The following HLCS variants were observed in gnomAD, a reference collection of about 807,000 sequenced individuals.
HLCS encodes holocarboxylase synthetase.
HLCS carries 53 observed loss-of-function variants against 75.0 expected under a neutral mutation model. That is an observed-to-expected ratio of 0.71 (90% confidence interval 0.57 to 0.89). The LOEUF is 0.89. Ranked by LOEUF, HLCS falls within the 40% of genes least tolerant of loss-of-function variation. The pLI, the probability that HLCS is intolerant of heterozygous loss-of-function variation, is 0.00. For synonymous variants in HLCS, 431 were observed against 428.6 expected, an observed-to-expected ratio of 1.01 and a Z score of -0.07; for missense variants, 966 against 1,074.0, an observed-to-expected ratio of 0.90 and a Z score of 1.41.
intron 6 of HLCS, among the ~76,000 whole-genome samples, chr21:36,821,969 A>G (rs899023350): frequency 6.6e-6 from 1 of 152,312 alleles, no homozygotes; most frequent in Admixed American, 6.5e-5. Context: ...GTCCCATCAC[A>G]GGTACAGGAG....
At chr21:36,788,133 G>T (rs1404711670) in intron 6 of HLCS, among the ~76,000 whole-genome samples, 1 of 152,174 alleles carries the variant, frequency 6.6e-6, no homozygotes, top group African/African-American at 2.4e-5. Context: ...GTGGCATTTT[G>T]TCTTCCTGAA....
chr21:36,969,558 G>A (rs1247277483), upstream of HLCS: 1 of 150,454 alleles, frequency 6.6e-6, no homozygotes, highest in East Asian at 2.0e-4. Flanking sequence ...AAATGATGTG[G>A]AAAATAAGAC....
chr21:36,936,218 T>C (rs1272213680), intron 4 of HLCS, among the ~76,000 whole-genome samples: 1 of 152,240 alleles, frequency 6.6e-6, no homozygotes, highest in Non-Finnish European at 1.5e-5. Flanking sequence ...CCCTGACAGC[T>C]GCCTTGTTCC....
chr21:36,921,437 T>G (rs749068890), intron 5 of HLCS, among the ~76,000 whole-genome samples: 1 of 152,244 alleles, frequency 6.6e-6, no homozygotes, highest in African/African-American at 2.4e-5. Context: ...AGTGAGACTC[T>G]GTCTCAAAGA....
At position 36,937,084 on chromosome 21, in the gene HLCS, T is replaced by C; in HGVS notation, c.802A>G (p.Lys268Glu). 6.2e-7 allele frequency: 1 copy of C among 1,614,094 alleles called. No homozygotes were observed. The highest frequency in any genetic ancestry group is 8.5e-7 in the Non-Finnish European group (1 of 1,180,020). The change falls in exon 4 of 11, where the codon AAG becomes GAG. Residue 268 changes from lysine (K) to glutamate (E), a missense_variant. Lys to Glu is a moderately conservative substitution (Grantham distance 56). Coordinates refer to ENST00000674895, the MANE Select transcript of HLCS (RefSeq NM_001352514.2). ...ELENSTIESV[K>E]FASAENIPDL... is the part of the protein sequence containing the mutation. The stretch of plus-strand genomic sequence containing the variant: ...GGAATGTTCTCGGCAGACGCAAACT[T>C]GACTGACTCAATGGTGCTGTTCTCA...
chr21:36,849,235 T>C (rs1411657726), intron 6 of HLCS, among the ~76,000 whole-genome samples: 2 of 152,204 alleles, frequency 1.3e-5, no homozygotes, highest in Non-Finnish European at 2.9e-5. Context: ...GAAACATATC[T>C]GGAAAAGGCC....
At chr21:36,921,467 A>G (rs74448937) in intron 5 of HLCS, among the ~76,000 whole-genome samples, 2,260 of 152,296 alleles carry the variant, frequency 0.015, 62 homozygotes, top group African/African-American at 0.051. Context: ...AAGAATATTC[A>G]CTTTCAACTT....
At chr21:36,931,715 C>T (rs561813150) in intron 4 of HLCS, among the ~76,000 whole-genome samples, 1 of 151,172 alleles carries the variant, frequency 6.6e-6, no homozygotes, top group African/African-American at 2.4e-5. Context: ...TGCCACTGCA[C>T]TCCAGCCTGG....
intron 2 of HLCS, among the ~76,000 whole-genome samples, chr21:36,940,082 T>G (rs1404921985): frequency 6.6e-6 from 1 of 152,090 alleles, no homozygotes; most frequent in East Asian, 1.9e-4. Context: ...ATTTAAAGGT[T>G]GGTTGTGTTC....
At chr21:36,875,845 A>C (rs1036002560) in intron 6 of HLCS, among the ~76,000 whole-genome samples, 1 of 151,960 alleles carries the variant, frequency 6.6e-6, no homozygotes, top group Non-Finnish European at 1.5e-5. Context: ...GAGAGAAGAG[A>C]GGCAGCTCTT....
intron 2 of HLCS, among the ~76,000 whole-genome samples, chr21:36,960,622 G>C (rs2068241449): frequency 6.6e-6 from 1 of 152,110 alleles, no homozygotes; most frequent in Non-Finnish European, 1.5e-5. Context: ...ATTACTTCTT[G>C]TTTACTTCCC....
At chr21:36,821,905 C>T (rs1315448703) in intron 6 of HLCS, among the ~76,000 whole-genome samples, 8 of 151,688 alleles carry the variant, frequency 5.3e-5, no homozygotes, top group East Asian at 1.9e-4. Flanking sequence ...GAGAAGAAGA[C>T]GGGAGGGGAG....
chr21:36,944,242 A>G (rs1041333297), intron 2 of HLCS: 1 of 152,204 alleles, frequency 6.6e-6, no homozygotes, highest in Non-Finnish European at 1.5e-5. Context: ...GATTTCAAAA[A>G]CATTATGTTG....
At chr21:36,878,686 T>C (rs1404641302) in intron 6 of HLCS, among the ~76,000 whole-genome samples, 1 of 152,162 alleles carries the variant, frequency 6.6e-6, no homozygotes, top group Admixed American at 6.5e-5. Context: ...TTACCACTCA[T>C]CTCATTGAAA....
intron 6 of HLCS, among the ~76,000 whole-genome samples, chr21:36,770,335 C>T (rs569749241): frequency 6.6e-6 from 1 of 151,736 alleles, no homozygotes; most frequent in Admixed American, 6.6e-5. Flanking sequence ...TTAGTAGAGA[C>T]GAGGTTTCAT....
chr21:36,781,878 T>A (rs553702283), intron 6 of HLCS, among the ~76,000 whole-genome samples: 3 of 152,322 alleles, frequency 2.0e-5, no homozygotes, highest in African/African-American at 7.2e-5. Flanking sequence ...TTGGAATTTT[T>A]AAAAATCAGG....
chr21:36,773,256 G>A lies in HLCS; in HGVS notation c.1893-5971C>T, dbSNP rs148337884. On this transcript the variant is annotated intron_variant, in intron 6 of 10. Coordinates refer to ENST00000674895, the MANE Select transcript of HLCS (RefSeq NM_001352514.2). ...GTGGAGCAATCTCCTTTCCAGCACA[G>A]ATTGGCAAAGAAAGGGCGGCCAAGT... Among the ~76,000 whole-genome samples, 757 of 152,338 alleles carry A rather than the reference G, an allele frequency of 5.0e-3. 2 individuals are homozygous for A. The highest frequency in any genetic ancestry group is 0.015 in the African/African-American group (613 of 41,574).
intron 6 of HLCS, among the ~76,000 whole-genome samples, chr21:36,784,879 C>A (rs1333046436): frequency 6.6e-6 from 1 of 152,058 alleles, no homozygotes; most frequent in Non-Finnish European, 1.5e-5. Context: ...TCAAATACTT[C>A]ATTTTCCCTT....
At chr21:36,830,521 C>T (rs966007209) in intron 6 of HLCS, among the ~76,000 whole-genome samples, 1 of 151,990 alleles carries the variant, frequency 6.6e-6, no homozygotes, top group Non-Finnish European at 1.5e-5. Context: ...TGTCAATAGA[C>T]AGGTTTCACT....
Sources: gnomAD v4.1 joint callset for allele counts (sites outside exome capture counted in the v4.1 genomes callset) on GRCh38, gnomAD v4.1.1 for gene constraint, MANE v1.5 for transcripts, NCBI Gene and HGNC (gene_info 2026-07-23, HGNC 2026-07-21) for gene names.